Variants in FOXN2 observed in about 807,000 individuals in gnomAD.
FOXN2 encodes forkhead box N2.
Under a neutral mutation model 41.2 loss-of-function variants are expected in FOXN2, and 19 were observed. The observed-to-expected ratio is 0.46, with a 90% CI of 0.32 to 0.68. The LOEUF is 0.68. Ranked by LOEUF, FOXN2 falls within the 30% of genes least tolerant of loss-of-function variation. The pLI is 0.03. For missense variants in FOXN2, 587 were observed against 509.4 expected (o/e 1.15, Z -1.47); for synonymous variants, 195 against 176.8 (o/e 1.10, Z -0.82).
intron 1 of FOXN2, among the ~76,000 whole-genome samples, chr2:48,320,030 T>G (rs1308052464): frequency 2.6e-5 from 4 of 151,990 alleles, no homozygotes; most frequent in Non-Finnish European, 5.9e-5. Context: ...TTGACACATT[T>G]ATATCTTTGT....
At chr2:48,354,902 T>A (rs1239551858) in intron 3 of FOXN2, among the ~76,000 whole-genome samples, 1 of 152,216 alleles carries the variant, frequency 6.6e-6, no homozygotes, top group Non-Finnish European at 1.5e-5. Context: ...CTTTTTTATC[T>A]ATTAGAATTC....
chr2:48,346,812 C>A, intron 3 of FOXN2, 61 bp downstream of exon 3: 2 of 1,364,006 alleles, frequency 1.5e-6, no homozygotes, highest in Non-Finnish European at 2.0e-6. Context: ...ACATGGAGCC[C>A]TTAAAATATC....
At chr2:48,341,328 A>T (rs1670753551) in intron 2 of FOXN2, among the ~76,000 whole-genome samples, 1 of 152,096 alleles carries the variant, frequency 6.6e-6, no homozygotes, top group Non-Finnish European at 1.5e-5. Flanking sequence ...AGTTTTCTTG[A>T]TTTTATTGTG....
intron 2 of FOXN2, among the ~76,000 whole-genome samples, chr2:48,332,846 C>T (rs1260611660): frequency 2.0e-5 from 3 of 152,016 alleles, no homozygotes. Flanking sequence ...TATTATAATT[C>T]TAAGTTGATA....
At chr2:48,320,262 A>C (rs1009024680) in intron 1 of FOXN2, among the ~76,000 whole-genome samples, 23 of 152,126 alleles carry the variant, frequency 1.5e-4, no homozygotes, top group African/African-American at 5.3e-4. Context: ...GTATTGGCAT[A>C]GTTATACTAG....
Position 48,346,475 on chromosome 2 carries a change from C to A in FOXN2, c.261C>A (p.Asp87Glu). The A allele has an allele frequency of 6.2e-7, 1 of 1,614,124 alleles. No homozygotes were observed. The highest frequency in any genetic ancestry group is 8.5e-7 in the Non-Finnish European group (1 of 1,180,018). ...TTCCAATTGTTAGTCCATTGTATGA[C>A]ATAGAGGGAGATGATGTGCCATCCT... ...EGLPIVSPLY[D>E]IEGDDVPSFG... Residue 87 changes from aspartate (D) to glutamate (E), a missense_variant, in exon 3 of 7, where the codon GAC becomes GAA. Coordinates refer to ENST00000340553, the MANE Select transcript of FOXN2 (RefSeq NM_002158.4).
At chr2:48,334,817 G>A (rs1013541369) in intron 2 of FOXN2, among the ~76,000 whole-genome samples, 14 of 152,280 alleles carry the variant, frequency 9.2e-5, no homozygotes, top group Middle Eastern at 6.8e-3. Context: ...TTATAAGAGT[G>A]ATATAGAAAT....
intron 1 of FOXN2, among the ~76,000 whole-genome samples, chr2:48,315,428 T>G (rs986452706): frequency 1.3e-5 from 2 of 152,078 alleles, no homozygotes; most frequent in African/African-American, 4.8e-5. Context: ...CCCGGCACCC[T>G]CTCGCCCCTC....
At chr2:48,340,095 A>T (rs931870954) in intron 2 of FOXN2, among the ~76,000 whole-genome samples, 4 of 152,172 alleles carry the variant, frequency 2.6e-5, no homozygotes, top group African/African-American at 9.7e-5. Flanking sequence ...TAAAGAAAAA[A>T]CCTTTTGTTA....
chr2:48,314,391 A>G (rs1468623700), upstream of FOXN2, among the ~76,000 whole-genome samples: 1 of 152,186 alleles, frequency 6.6e-6, no homozygotes, highest in Non-Finnish European at 1.5e-5. Context: ...ACCGGCCTAC[A>G]GCGCCTCCAC....
At chr2:48,350,402 A>T in intron 3 of FOXN2, among the ~76,000 whole-genome samples, 1 of 152,236 alleles carries the variant, frequency 6.6e-6, no homozygotes, top group Non-Finnish European at 1.5e-5. Flanking sequence ...CTAGTGGCAC[A>T]TGGCACATTG....
chr2:48,346,315 C>G lies in FOXN2; in HGVS notation c.101C>G (p.Pro34Arg). The G allele has an allele frequency of 1.2e-6, 2 of 1,614,172 alleles. No individual in the cohort carries two copies. Among genetic ancestry groups the G allele is most frequent in the Non-Finnish European group, 1.7e-6 (2 of 1,180,036 alleles). ...CAGATTTACAAAATGGGAAGCTTGC[C>G]TGAAGCTGTTGATGCTGCCAGGCCG... ...LSQIYKMGSLPEAVDAARPKA... is the reference protein window; with the variant it reads ...LSQIYKMGSLREAVDAARPKA... Residue 34 changes from proline to arginine, a missense_variant, in exon 3 of 7, where the codon CCT becomes CGT. Coordinates refer to ENST00000340553, the MANE Select transcript of FOXN2 (RefSeq NM_002158.4).
intron 5 of FOXN2, among the ~76,000 whole-genome samples, chr2:48,367,229 G>A (rs1672591881): frequency 6.6e-6 from 1 of 152,064 alleles, no homozygotes; most frequent in African/African-American, 2.4e-5. Flanking sequence ...GTTTGGTTTG[G>A]TGTGTATTTA....
chr2:48,324,777 A>G (rs1282766848), intron 1 of FOXN2, among the ~76,000 whole-genome samples: 1 of 152,188 alleles, frequency 6.6e-6, no homozygotes, highest in African/African-American at 2.4e-5. Flanking sequence ...AAGTGATCTC[A>G]TGTCTATTGT....
chr2:48,344,392 G>T (rs1670963116), intron 2 of FOXN2, among the ~76,000 whole-genome samples: 2 of 152,188 alleles, frequency 1.3e-5, no homozygotes, highest in Admixed American at 1.3e-4. Flanking sequence ...TTGAGTCATT[G>T]GTGCTCATGG....
intron 3 of FOXN2, among the ~76,000 whole-genome samples, chr2:48,357,798 C>T (rs1011923043): frequency 2.2e-5 from 3 of 138,668 alleles, no homozygotes; most frequent in African/African-American, 8.1e-5. Flanking sequence ...GGTGACTGAA[C>T]ATATAGCTAA....
chr2:48,374,880 A>C (rs766308698), intron 6 of FOXN2, 40 bp from the exon 7 acceptor site: 2 of 1,539,232 alleles, frequency 1.3e-6, no homozygotes, highest in Non-Finnish European at 1.8e-6. Flanking sequence ...TTTGCAACCA[A>C]ACACATTTGA....
At chr2:48,339,232 G>T (rs1670574652) in intron 2 of FOXN2, among the ~76,000 whole-genome samples, 1 of 152,096 alleles carries the variant, frequency 6.6e-6, no homozygotes, top group African/African-American at 2.4e-5. Context: ...AGTTGATATG[G>T]TCTGGCTCTG....
upstream of FOXN2, among the ~76,000 whole-genome samples, chr2:48,313,789 A>G (rs1284453949): frequency 1.3e-5 from 2 of 152,200 alleles, no homozygotes; most frequent in Non-Finnish European, 2.9e-5. Flanking sequence ...TGAGTTAGAT[A>G]GGGTTCTCAG....
Sources: allele counts gnomAD v4.1 joint callset (sites outside exome capture counted in the v4.1 genomes callset), GRCh38; gene constraint gnomAD v4.1.1; transcripts MANE v1.5; gene names NCBI Gene and HGNC (gene_info 2026-07-23, HGNC 2026-07-21).